The following IGFL2 variants were observed in gnomAD, a reference collection of about 807,000 sequenced individuals.
IGFL2 encodes IGF like family member 2, also known as insulin growth factor-like family member 2.
Under a neutral mutation model 13.9 loss-of-function variants are expected in IGFL2, and 7 were observed. The ratio of observed to expected loss-of-function variants is 0.51; its 90% CI spans 0.29 to 0.95. The LOEUF (loss-of-function observed/expected upper bound fraction) is 0.95, where lower values mean the gene tolerates loss of function less well. IGFL2 is among the 40% of genes least tolerant of loss of function. The pLI, the probability that IGFL2 is intolerant of heterozygous loss-of-function variation, is 0.08. For synonymous variants in IGFL2, 55 were observed against 55.8 expected, an observed-to-expected ratio of 0.99 and a Z score of 0.07; for missense variants, 138 against 147.8, an observed-to-expected ratio of 0.93 and a Z score of 0.34.
At chr19:46,082,943 A>G in the IGFL2 span, among the ~76,000 whole-genome samples, 2 of 152,118 alleles carry the variant, frequency 1.3e-5, no homozygotes, top group South Asian at 2.1e-4. Context: ...CATGGGTGAC[A>G]TCTCCAGAAA....
the IGFL2 span, among the ~76,000 whole-genome samples, chr19:46,115,634 G>A: frequency 2.5e-4 from 38 of 152,036 alleles, no homozygotes; most frequent in Non-Finnish European, 4.6e-4. Flanking sequence ...CTGAGTGGGA[G>A]CAGTTTCACT....
At chr19:46,123,552 A>G in the IGFL2 span, among the ~76,000 whole-genome samples, 2 of 150,752 alleles carry the variant, frequency 1.3e-5, no homozygotes, top group Non-Finnish European at 2.9e-5. Context: ...TCAGAGAAGC[A>G]AAACATCTTT....
At chr19:46,117,445 T>G in the IGFL2 span, among the ~76,000 whole-genome samples, 1 of 152,152 alleles carries the variant, frequency 6.6e-6, no homozygotes, top group African/African-American at 2.4e-5. Context: ...TTCCAGTCCC[T>G]TCTTTTTTGT....
chr19:46,148,214 A>G, upstream of IGFL2: 1 of 1,456,100 alleles, frequency 6.9e-7, no homozygotes. Context: ...AGCCTACATA[A>G]GTCCCTGTAT....
At chr19:46,152,207 T>C (rs1201634915) in intron 1 of IGFL2, among the ~76,000 whole-genome samples, 1 of 152,128 alleles carries the variant, frequency 6.6e-6, no homozygotes, top group African/African-American at 2.4e-5. Flanking sequence ...TTGATCTCTT[T>C]TATCTTACAA....
At chr19:46,095,374 TG>T in the IGFL2 span, among the ~76,000 whole-genome samples, 15 of 152,140 alleles carry the variant, frequency 9.9e-5, no homozygotes, top group African/African-American at 3.1e-4. Flanking sequence ...TTTGATGGGT[TG>T]TTTTTTTTTC....
At position 46,160,663 on chromosome 19, in the gene IGFL2, A is replaced by C; in HGVS notation, c.123A>C (p.Gly41=). The C allele has an allele frequency of 6.2e-7, 1 of 1,614,010 alleles. No individual in the cohort carries two copies. The highest frequency in any genetic ancestry group is 1.1e-5 in the South Asian group (1 of 91,072). The change falls in exon 3 of 4, where the codon GGA becomes GGC. Residue 41 remains glycine, a synonymous_variant. Transcript: ENST00000377693. ...TGTGCCAGCCGGCACCCAGGTGTGG[A>C]GACAAGATCTACAACCCCTTGGAGC... ...PWLCQPAPRC[G]DKIYNPLEQC... is the part of the protein sequence containing the mutation.
chr19:46,212,320 CT>C, the IGFL2 span: 1 of 152,424 alleles, frequency 6.6e-6, no homozygotes, highest in African/African-American at 2.4e-5. Context: ...AGAGAAGCCC[CT>C]GTCCATGCTC....
At chr19:46,121,915 A>G in the IGFL2 span, among the ~76,000 whole-genome samples, 1 of 150,996 alleles carries the variant, frequency 6.6e-6, no homozygotes, top group East Asian at 2.0e-4. Context: ...TTTCTTTTTT[A>G]ATGAAATTTA....
the IGFL2 span, chr19:46,197,404 C>G: frequency 1.3e-5 from 2 of 154,398 alleles, no homozygotes; most frequent in Non-Finnish European, 2.9e-5. Context: ...TCCACCTCCC[C>G]CTTTCCCTAC....
rs1973647145 is a variant in IGFL2 at position 46,153,814 on chromosome 19, T to C, written c.19+5517T>C. On this transcript the variant is annotated intron_variant, in intron 1 of 3. Transcript: ENST00000377693. ...TTGCCTTTTTATTACAAATTATATA[T>C]GTGTATATATATATATATATATATA... 2.1e-5 allele frequency among the ~76,000 whole-genome samples: 3 copies of C among 145,070 alleles called. No homozygotes were observed. In the East Asian group the frequency reaches 5.9e-4, roughly 28 times the overall value.
chr19:46,208,677 G>A, the IGFL2 span: 1 of 152,226 alleles, frequency 6.6e-6, no homozygotes, highest in East Asian at 1.9e-4. Context: ...CTGATAGTGG[G>A]GGAGTTCTCA....
the IGFL2 span, among the ~76,000 whole-genome samples, chr19:46,202,232 C>T: frequency 6.6e-6 from 1 of 152,152 alleles, no homozygotes; most frequent in Non-Finnish European, 1.5e-5. Context: ...ACATCAGGCA[C>T]CTCAGACCAT....
chr19:46,145,244 A>G (rs1489550163), upstream of IGFL2, among the ~76,000 whole-genome samples: 1 of 152,180 alleles, frequency 6.6e-6, no homozygotes, highest in Admixed American at 6.5e-5. Context: ...CCATCAGTAA[A>G]ATATGAGAAA....
chr19:46,174,697 C>T, the IGFL2 span, among the ~76,000 whole-genome samples: 1 of 152,182 alleles, frequency 6.6e-6, no homozygotes, highest in Non-Finnish European at 1.5e-5. Context: ...GCTTCTAACC[C>T]TGGGGTTGGG....
the IGFL2 span, among the ~76,000 whole-genome samples, chr19:46,136,225 A>G: frequency 4.0e-5 from 6 of 151,742 alleles, no homozygotes; most frequent in African/African-American, 9.7e-5. Context: ...AGGGATGCCA[A>G]TATGTGGTAG....
intron 1 of IGFL2, chr19:46,159,511 A>G (rs1974019968): frequency 6.6e-6 from 1 of 152,216 alleles, no homozygotes; most frequent in Non-Finnish European, 1.5e-5. Flanking sequence ...TACAGAAGAC[A>G]AAAACGAACA....
the IGFL2 span, among the ~76,000 whole-genome samples, chr19:46,100,735 G>A: frequency 1.3e-5 from 2 of 152,214 alleles, no homozygotes; most frequent in Admixed American, 6.5e-5. Flanking sequence ...GGAACTGAAA[G>A]TGGGAGGCAA....
chr19:46,170,362 C>T, the IGFL2 span, among the ~76,000 whole-genome samples: 1 of 152,186 alleles, frequency 6.6e-6, no homozygotes. Flanking sequence ...ATTTCCTATG[C>T]CTATCTTTAA....
Sources: gnomAD v4.1 joint callset for allele counts (sites outside exome capture counted in the v4.1 genomes callset) on GRCh38, gnomAD v4.1.1 for gene constraint, MANE v1.5 for transcripts, NCBI Gene and HGNC (gene_info 2026-07-23, HGNC 2026-07-21) for gene names.